Variants in TMPRSS11A observed in about 807,000 individuals in gnomAD.
TMPRSS11A encodes transmembrane serine protease 11A, also known as transmembrane protease serine 11A.
A neutral mutation model predicts 58.9 loss-of-function variants in TMPRSS11A; 53 were observed. That is an observed-to-expected ratio of 0.90 (90% CI 0.72 to 1.13). TMPRSS11A has a LOEUF of 1.13. TMPRSS11A is among the 50% of genes most tolerant of loss of function. TMPRSS11A has a pLI of 0.00. For missense variants in TMPRSS11A, 493 were observed against 499.3 expected, an observed-to-expected ratio of 0.99 and a Z score of 0.12; for synonymous variants, 167 against 169.8, an observed-to-expected ratio of 0.98 and a Z score of 0.13.
At chr4:67,927,204 T>A (rs1720497281) in intron 5 of TMPRSS11A, among the ~76,000 whole-genome samples, 1 of 152,132 alleles carries the variant, frequency 6.6e-6, no homozygotes, top group African/African-American at 2.4e-5. Flanking sequence ...CAAACAGGAA[T>A]GAAACATACC....
At chr4:67,947,646 G>A (rs1348435256) in intron 1 of TMPRSS11A, among the ~76,000 whole-genome samples, 1 of 152,122 alleles carries the variant, frequency 6.6e-6, no homozygotes, top group Admixed American at 6.5e-5. Flanking sequence ...CATCACACCA[G>A]GGATAAAAAT....
intron 5 of TMPRSS11A, among the ~76,000 whole-genome samples, chr4:67,927,095 G>T (rs76122286): frequency 6.6e-6 from 1 of 152,054 alleles, no homozygotes; most frequent in Non-Finnish European, 1.5e-5. Flanking sequence ...ACCTTTCTTC[G>T]TCTTGCTCAC....
Position 67,963,384 on chromosome 4 carries a change from G to T in TMPRSS11A, c.10C>A (p.Arg4=). ...TCTATAAAACAGAACTGAACTTACCGATACATCATGTACAGGAGGAAGAAT... is the reference window on the plus strand; with the variant it reads ...TCTATAAAACAGAACTGAACTTACCTATACATCATGTACAGGAGGAAGAAT... MMY[R]TVGFGTRSRN... The change falls in exon 1 of 10, where the codon CGG becomes AGG. Residue 4 remains arginine (R), a splice_region_variant and synonymous_variant. Transcript: ENST00000508048. 1.2e-6 allele frequency: 2 copies of T among 1,613,586 alleles called. No individual in the cohort carries two copies. Among genetic ancestry groups the T allele is most frequent in the Non-Finnish European group, 8.5e-7 (1 of 1,179,830 alleles).
intron 3 of TMPRSS11A, among the ~76,000 whole-genome samples, chr4:67,937,814 A>G (rs945346148): frequency 2.0e-5 from 3 of 152,094 alleles, no homozygotes; most frequent in African/African-American, 7.2e-5. Flanking sequence ...CCATTGATGG[A>G]TATCTAGGTT....
chr4:67,920,966 A>G (rs1414498061), intron 7 of TMPRSS11A, among the ~76,000 whole-genome samples: 1 of 152,206 alleles, frequency 6.6e-6, no homozygotes, highest in East Asian at 1.9e-4. Context: ...GCTCACAGTA[A>G]TGATATTTAT....
At chr4:67,927,853 T>C (rs1000721369) in intron 5 of TMPRSS11A, among the ~76,000 whole-genome samples, 27 of 152,262 alleles carry the variant, frequency 1.8e-4, no homozygotes, top group Non-Finnish European at 3.8e-4. Context: ...TTCTCATTAG[T>C]AACAGCCTCT....
chr4:67,919,312 A>G (rs1305744114), intron 7 of TMPRSS11A, 80 bp from the exon 8 acceptor site: 5 of 1,285,132 alleles, frequency 3.9e-6, no homozygotes, highest in Non-Finnish European at 4.3e-6. Flanking sequence ...TTAGGCTAAT[A>G]TAAGAGAAAT....
At position 67,936,309 on chromosome 4, in the gene TMPRSS11A, A is replaced by G. The variant is rs76073427; in HGVS notation, c.253-4249T>C. ...TTTAGTGCAGTCCTTTTAAGTTCGT[A>G]TCATATCTGTATAAAACTCTAGGTG... On this transcript the variant is annotated intron_variant, in intron 3 of 9. Coordinates refer to ENST00000508048, the MANE Select transcript of TMPRSS11A (RefSeq NM_001114387.2). 8.9e-3 allele frequency among the ~76,000 whole-genome samples: 1,335 copies of G among 149,682 alleles called. 17 individuals carry two copies. The highest frequency in any genetic ancestry group is 0.031 in the African/African-American group (1,249 of 40,474).
In TMPRSS11A at chr4:67,918,969, C is replaced by T. The variant is rs767810889; in HGVS notation, c.952+4G>A. ...CGCTCTGTTAGCTATCCTGAGATACCCACCACCATAGTAAAGTGCTCCAAA... is the reference window on the plus strand; with the variant it reads ...CGCTCTGTTAGCTATCCTGAGATACTCACCACCATAGTAAAGTGCTCCAAA... On this transcript the variant is annotated splice_donor_region_variant and intron_variant, in intron 8 of 9. Transcript: ENST00000508048. The T allele has an allele frequency of 1.2e-6, 2 of 1,613,930 alleles. No individual in the cohort carries two copies. Among genetic ancestry groups the T allele is most frequent in the South Asian group, 2.2e-5 (2 of 91,062 alleles).
At chr4:67,962,221 C>T (rs1188457504) in intron 1 of TMPRSS11A, among the ~76,000 whole-genome samples, 2 of 152,070 alleles carry the variant, frequency 1.3e-5, no homozygotes, top group African/African-American at 4.8e-5. Context: ...GCATTGAAGA[C>T]CCTTTCTGAG....
intron 3 of TMPRSS11A, among the ~76,000 whole-genome samples, chr4:67,936,009 G>A (rs760290839): frequency 2.6e-5 from 4 of 152,100 alleles, no homozygotes; most frequent in Non-Finnish European, 4.4e-5. Flanking sequence ...TCTAAGGTGA[G>A]TACTATGATT....
chr4:67,916,272 A>T (rs1379991402), intron 8 of TMPRSS11A, among the ~76,000 whole-genome samples: 1 of 144,684 alleles, frequency 6.9e-6, no homozygotes, highest in African/African-American at 2.5e-5. Context: ...TACATCAATT[A>T]AAAAAAAAAC....
In TMPRSS11A at chr4:67,942,539, G is replaced by A. The variant is rs189440547; in HGVS notation, c.252+1980C>T. Among the ~76,000 whole-genome samples the A allele has an allele frequency of 4.5e-3, 688 of 152,312 alleles. 4 individuals carry two copies. Among genetic ancestry groups the A allele is most frequent in the African/African-American group, 0.014 (577 of 41,570 alleles). On this transcript the variant is annotated intron_variant, in intron 3 of 9. Coordinates refer to ENST00000508048, the MANE Select transcript of TMPRSS11A (RefSeq NM_001114387.2). Reference sequence around the variant, plus strand: ...AATTGTTTGTTGTTTAAGATACCCAGCCTATGGTACTTTTTGTTGTAGTAG... The same window carrying A: ...AATTGTTTGTTGTTTAAGATACCCAACCTATGGTACTTTTTGTTGTAGTAG...
At chr4:67,944,382 G>A (rs973589854) in intron 3 of TMPRSS11A, 137 bp downstream of exon 3, 34 of 983,256 alleles carry the variant, frequency 3.5e-5, no homozygotes, top group Non-Finnish European at 4.5e-5. Flanking sequence ...AAGCAGGTCT[G>A]GGATGGGGCC....
Position 67,911,605 on chromosome 4 carries a change from C to A in TMPRSS11A, c.1096-102G>T, listed in dbSNP as rs77398428. The A allele has an allele frequency of 7.6e-4, 589 of 773,238 alleles. 3 individuals carry two copies. In the African/African-American group the frequency reaches 9.0e-3, roughly 12 times the overall value. The allele number at this position is 773,238 out of a possible 1,614,324, so 47.9% of individuals were successfully genotyped here. A position where few individuals can be genotyped will look rare whatever the true frequency, so the allele number is the denominator to read the frequency against. The stretch of plus-strand genomic sequence containing the variant: ...TCACATATTTTGTTACTAGACAGTA[C>A]ATGTATAGACTATCAACACAGAATA... On this transcript the variant is annotated intron_variant, in intron 9 of 9. Coordinates refer to ENST00000508048, the MANE Select transcript of TMPRSS11A (RefSeq NM_001114387.2).
Position 67,963,490 on chromosome 4 carries a change from G to T in TMPRSS11A, c.-97C>A. 1 of 1,282,216 alleles carries T rather than the reference G, an allele frequency of 7.8e-7. No individual in the cohort carries two copies. Among genetic ancestry groups the T allele is most frequent in the Non-Finnish European group, 1.1e-6 (1 of 910,364 alleles). 79.4% of individuals were successfully genotyped at this position (1,282,216 alleles called of 1,614,324 possible). A position where few individuals can be genotyped will look rare whatever the true frequency, so the allele number is the denominator to read the frequency against. On this transcript the variant is annotated 5_prime_UTR_variant, in exon 1 of 10. Transcript: ENST00000508048. ...TCTCTAGATGTATTAGAAGTCTACG[G>T]CTCAAAGAAATAAGGAAACAAATTA...
intron 1 of TMPRSS11A, among the ~76,000 whole-genome samples, chr4:67,958,471 T>C (rs756045111): frequency 6.6e-6 from 1 of 152,234 alleles, no homozygotes; most frequent in African/African-American, 2.4e-5. Flanking sequence ...CTCTGATGGA[T>C]TTCAGACTTG....
chr4:67,959,897 G>A (rs578008395), intron 1 of TMPRSS11A, among the ~76,000 whole-genome samples: 2 of 152,266 alleles, frequency 1.3e-5, no homozygotes, highest in South Asian at 2.1e-4. Context: ...ATTCACAATA[G>A]CAAGACATGT....
At chr4:67,928,904 T>C (rs1185502531) in intron 5 of TMPRSS11A, among the ~76,000 whole-genome samples, 1 of 152,218 alleles carries the variant, frequency 6.6e-6, no homozygotes, top group Non-Finnish European at 1.5e-5. Context: ...AAATCTATAC[T>C]TGTCTGTTGG....
Sources: allele counts gnomAD v4.1 joint callset (sites outside exome capture counted in the v4.1 genomes callset), GRCh38; gene constraint gnomAD v4.1.1; transcripts MANE v1.5; gene names NCBI Gene and HGNC (gene_info 2026-07-23, HGNC 2026-07-21).